EAPP: variants seen among roughly 807,000 people sequenced by gnomAD.
EAPP encodes E2F-associated phosphoprotein.
Under a neutral mutation model 34.3 loss-of-function variants are expected in EAPP, and 38 were observed. The observed-to-expected ratio is 1.11, with a 90% CI of 0.85 to 1.45. The LOEUF is 1.45. Ranked by LOEUF, EAPP falls within the 40% of genes most tolerant of loss-of-function variation. The pLI is 0.00. For synonymous variants in EAPP, 113 were observed against 117.6 expected (o/e 0.96, Z 0.25); for missense variants, 338 against 343.7 (o/e 0.98, Z 0.13).
chr14:34,529,365 T>G lies in EAPP; in HGVS notation c.463A>C (p.Arg155=), dbSNP rs201002136. 6.3e-7 allele frequency: 1 copy of G among 1,598,410 alleles called. No individual in the cohort carries two copies. The highest frequency in any genetic ancestry group is 8.6e-7 in the Non-Finnish European group (1 of 1,169,002). ...NRDQAWVDAQ[R]RGYHGLGPQR... The stretch of plus-strand genomic sequence containing the variant: ...TTAACTTTAAGTTCTTACCCCCTTC[T>G]CTGTGCATCAACCCAGGCCTGATCT... Residue 155 remains arginine, a synonymous_variant, in exon 4 of 6, where the codon AGA becomes CGA. Transcript: ENST00000250454.
At chr14:34,528,534 G>A (rs890250234) in intron 4 of EAPP, among the ~76,000 whole-genome samples, 5 of 141,366 alleles carry the variant, frequency 3.5e-5, no homozygotes, top group Non-Finnish European at 6.0e-5. Context: ...CAATTCTCCC[G>A]CCTCAGCCTC....
rs1301242221 is a variant in EAPP at position 34,536,168 on chromosome 14, A to G, written c.182T>C (p.Phe61Ser). 3 of 1,613,022 alleles carry G rather than the reference A, an allele frequency of 1.9e-6. No homozygotes were observed. Among genetic ancestry groups the G allele is most frequent in the Admixed American group, 3.3e-5 (2 of 59,802 alleles). ...TAATTCAGCTTCCATCTCCTTTTCA[A>G]ATTCATCTTCACTAGATGATTCACT... The part of the protein sequence containing the change: ...GESESSSEDE[F>S]EKEMEAELNS... The change falls in exon 2 of 6, where the codon TTT (phenylalanine) becomes TCT (serine). Residue 61 changes from phenylalanine to serine, a missense_variant. By Grantham distance (155) the Phe-to-Ser change is radical (BLOSUM62 -2). Coordinates refer to ENST00000250454, the MANE Select transcript of EAPP (RefSeq NM_018453.4).
intron 1 of EAPP, among the ~76,000 whole-genome samples, chr14:34,537,846 G>A (rs559584966): frequency 7.9e-5 from 12 of 152,170 alleles, no homozygotes; most frequent in African/African-American, 2.4e-4. Context: ...TCATGTCTTC[G>A]GTCAGCTACC....
chr14:34,532,556 G>C (rs72673455), intron 3 of EAPP, among the ~76,000 whole-genome samples: 7 of 152,064 alleles, frequency 4.6e-5, no homozygotes, highest in African/African-American at 1.7e-4. Flanking sequence ...TAAAGGAAGA[G>C]GGGGGAAAAG....
intron 5 of EAPP, among the ~76,000 whole-genome samples, chr14:34,523,669 T>C (rs947864657): frequency 2.6e-5 from 4 of 151,858 alleles, no homozygotes; most frequent in Non-Finnish European, 5.9e-5. Flanking sequence ...ATCGAGTAGC[T>C]GGGTCTACAC....
intron 5 of EAPP, among the ~76,000 whole-genome samples, chr14:34,520,364 C>T (rs1294802816): frequency 6.6e-6 from 1 of 151,562 alleles, no homozygotes; most frequent in Non-Finnish European, 1.5e-5. Flanking sequence ...CACGCGCCAA[C>T]ACGCCCAGCT....
intron 5 of EAPP, among the ~76,000 whole-genome samples, chr14:34,519,567 A>G (rs1879845672): frequency 6.6e-6 from 1 of 151,674 alleles, no homozygotes; most frequent in African/African-American, 2.4e-5. Flanking sequence ...AGACCTCCCC[A>G]GCCATGCTTC....
At chr14:34,517,950 T>G (rs1879792122) in intron 5 of EAPP, among the ~76,000 whole-genome samples, 1 of 151,900 alleles carries the variant, frequency 6.6e-6, no homozygotes, top group Admixed American at 6.6e-5. Flanking sequence ...CATTTTTGTA[T>G]TTTTAGTAGA....
intron 3 of EAPP, 52 bp downstream of exon 3, chr14:34,533,392 T>C (rs781650920): frequency 3.5e-6 from 5 of 1,441,482 alleles, no homozygotes; most frequent in African/African-American, 1.4e-5. Flanking sequence ...AATTGTTAGG[T>C]AAACCTTTTT....
At chr14:34,528,760 C>T (rs549797191) in intron 4 of EAPP, among the ~76,000 whole-genome samples, 16 of 151,140 alleles carry the variant, frequency 1.1e-4, no homozygotes, top group Non-Finnish European at 2.2e-4. Context: ...TTTAAAACAG[C>T]ATCTGAAAAA....
rs186432162 is a variant in EAPP, at chr14:34,533,513, C to T, written c.283G>A (p.Ala95Thr). 2 of 1,593,596 alleles carry T rather than the reference C, an allele frequency of 1.3e-6. No homozygotes were observed. The highest frequency in any genetic ancestry group is 1.7e-6 in the Non-Finnish European group (2 of 1,173,924). Residue 95 changes from alanine to threonine, a missense_variant, in exon 3 of 6, where the codon GCA becomes ACA. Physicochemically the swap from Ala to Thr is moderately conservative, Grantham distance 58. Transcript: ENST00000250454. ...TCGTAGTACCTTGTCGGAGCTGTTG[C>T]AACTTTTCCATTTCCTGAGGAAGAT... Reference protein sequence around the residue: ...TGSSSGNGKVATAPTRYYDDI... With the variant: ...TGSSSGNGKVTTAPTRYYDDI...
At position 34,536,257 on chromosome 14, in the gene EAPP, A is replaced by G. The variant is rs1218777465; in HGVS notation, c.93T>C (p.Asp31=). The G allele has an allele frequency of 1.0e-5, 16 of 1,607,844 alleles. No individual in the cohort carries two copies. The highest frequency in any genetic ancestry group is 1.4e-5 in the Non-Finnish European group (16 of 1,178,288). The change falls in exon 2 of 6, where the codon GAT becomes GAC. Residue 31 remains aspartate, a synonymous_variant. Coordinates refer to ENST00000250454, the MANE Select transcript of EAPP (RefSeq NM_018453.4). The stretch of plus-strand genomic sequence containing the variant: ...GGTCAGGAGTTCCATGTAAAAGCAC[A>G]TCCACTTCATCCTCAGAGCTAGCAT... ...PALSSSEDEV[D]VLLHGTPDQK... is the part of the protein sequence containing the mutation.
intron 1 of EAPP, chr14:34,539,276 A>C (rs1000098956): frequency 3.2e-6 from 2 of 629,114 alleles, no homozygotes; most frequent in African/African-American, 1.8e-5. Flanking sequence ...TCTGCTACTA[A>C]GGTGTAGAGA....
intron 5 of EAPP, among the ~76,000 whole-genome samples, 189 bp from the exon 6 acceptor site, chr14:34,516,775 C>T (rs1169535064): frequency 3.3e-5 from 5 of 152,160 alleles, no homozygotes; most frequent in Admixed American, 3.3e-4. Context: ...GTGAACACAG[C>T]TCACTGCAGC....
At chr14:34,517,801 G>A (rs1879786874) in intron 5 of EAPP, among the ~76,000 whole-genome samples, 2 of 150,116 alleles carry the variant, frequency 1.3e-5, no homozygotes, top group African/African-American at 4.9e-5. Context: ...TTGAGATGGA[G>A]TCTCGCTCTG....
Position 34,535,437 on chromosome 14 carries a change from A to ATTT in EAPP, c.256+654_256+656dup, listed in dbSNP as rs71121207. 4.5e-3 allele frequency among the ~76,000 whole-genome samples: 603 copies of ATTT among 135,252 alleles called. 37 individuals carry two copies. The highest frequency in any genetic ancestry group is 0.012 in the Middle Eastern group (3 of 242). The allele number at this position is 135,252 out of a possible 152,430, so 88.7% of individuals were successfully genotyped here. On this transcript the variant is annotated intron_variant, in intron 2 of 5. Transcript: ENST00000250454. ...GAGCCACTGCACCCGGTCGCTACAG[A>ATTT]TTTTTTTTTTTTTTAGATGGAGTCT...
intron 5 of EAPP, among the ~76,000 whole-genome samples, chr14:34,524,102 A>G (rs1006373172): frequency 1.3e-5 from 2 of 151,914 alleles, no homozygotes. Context: ...CTAAAAATAT[A>G]AAAATAAGGC....
At chr14:34,535,223 G>A (rs549766230) in intron 2 of EAPP, among the ~76,000 whole-genome samples, 2 of 149,366 alleles carry the variant, frequency 1.3e-5, no homozygotes, top group South Asian at 2.1e-4. Context: ...TCCGCCTTCC[G>A]GGTTCAAGCA....
At chr14:34,522,498 A>G (rs8019311) in intron 5 of EAPP, among the ~76,000 whole-genome samples, 118,204 of 152,128 alleles carry the variant, frequency 0.78, 46,857 homozygotes, top group Non-Finnish European at 0.85. Flanking sequence ...GTAAATGTAC[A>G]TCTTTGTATT....
Sources: gnomAD v4.1 joint callset for allele counts (sites outside exome capture counted in the v4.1 genomes callset) on GRCh38, gnomAD v4.1.1 for gene constraint, MANE v1.5 for transcripts, NCBI Gene and HGNC (gene_info 2026-07-23, HGNC 2026-07-21) for gene names.